The following RIMBP2 variants were observed in gnomAD, a reference collection of about 807,000 sequenced individuals.
The protein encoded by RIMBP2 is RIMS-binding protein 2.
RIMBP2 carries 48 observed loss-of-function variants against 118.6 expected under a neutral mutation model. That is an observed-to-expected ratio of 0.40 (90% confidence interval 0.32 to 0.51). RIMBP2 has a LOEUF of 0.51. RIMBP2 is among the 20% of genes least tolerant of loss of function. The pLI, the probability that RIMBP2 is intolerant of heterozygous loss-of-function variation, is 0.41. For synonymous variants in RIMBP2, 762 were observed against 742.9 expected (o/e 1.03, Z -0.42); for missense variants, 1,551 against 1,768.3 (o/e 0.88, Z 2.20).
At chr12:130,618,303 A>T (rs2061081950) in intron 2 of RIMBP2, among the ~76,000 whole-genome samples, 1 of 152,204 alleles carries the variant, frequency 6.6e-6, no homozygotes, top group African/African-American at 2.4e-5. Context: ...TCCAGAGAAC[A>T]TCAGATTAGA....
At position 130,424,110 on chromosome 12, in the gene RIMBP2, G is replaced by A; in HGVS notation, c.3129+32C>T. ...AGGATGGGACAGATTGGTTTGGCAA[G>A]CGGCTGTGAAAAGGAAGTTTAGGTC... On this transcript the variant is annotated intron_variant, in intron 16 of 22. Coordinates refer to ENST00000690449, the MANE Select transcript of RIMBP2 (RefSeq NM_001393629.1). This position sits in a 1 kb window ranked among gnomAD's most constrained non-coding sequence, Gnocchi z 9.8. 3 of 1,147,760 alleles carry A rather than the reference G, an allele frequency of 2.6e-6. No homozygotes were observed. The highest frequency in any genetic ancestry group is 3.3e-6 in the Non-Finnish European group (3 of 910,978). 71.1% of individuals were successfully genotyped at this position (1,147,760 alleles called of 1,614,324 possible).
chr12:130,656,051 G>A (rs2063414366), intron 1 of RIMBP2, among the ~76,000 whole-genome samples: 1 of 152,242 alleles, frequency 6.6e-6, no homozygotes, highest in African/African-American at 2.4e-5. Flanking sequence ...CGGCCTGCAG[G>A]CTTGGGGCTG....
At chr12:130,560,087 A>G (rs1337723297) in intron 2 of RIMBP2, among the ~76,000 whole-genome samples, 1 of 152,210 alleles carries the variant, frequency 6.6e-6, no homozygotes, top group African/African-American at 2.4e-5. Flanking sequence ...GCCAAAGTCC[A>G]GGGTTTGTTT....
At chr12:130,526,931 G>A (rs985190782) in intron 2 of RIMBP2, among the ~76,000 whole-genome samples, 2 of 152,160 alleles carry the variant, frequency 1.3e-5, no homozygotes, top group Non-Finnish European at 2.9e-5. Context: ...AAGAAAAGCC[G>A]CTGGTGGGAA....
intron 1 of RIMBP2, among the ~76,000 whole-genome samples, chr12:130,715,648 C>T (rs538595850): frequency 4.9e-4 from 74 of 152,344 alleles, no homozygotes; most frequent in Non-Finnish European, 9.6e-4. Flanking sequence ...TTATTCAAGT[C>T]AGTCCATGGG....
chr12:130,514,036 A>C (rs545614555), intron 3 of RIMBP2, among the ~76,000 whole-genome samples: 4 of 152,254 alleles, frequency 2.6e-5, no homozygotes, highest in Admixed American at 2.0e-4. Flanking sequence ...GCTACCACAA[A>C]GATGCTCAGC....
chr12:130,631,005 C>T lies in RIMBP2; in HGVS notation c.-351-2549G>A, dbSNP rs2061963295. ...CCACGGGATCCAGGAAACAACAAAT[C>T]CTACCCTAAACAGGGATAGAGAAGA... On this transcript the variant is annotated intron_variant, in intron 1 of 22. Coordinates refer to ENST00000690449, the MANE Select transcript of RIMBP2 (RefSeq NM_001393629.1). Among the ~76,000 whole-genome samples the T allele has an allele frequency of 1.3e-5, 2 of 151,198 alleles. 1 individual carries two copies. Among genetic ancestry groups the T allele is most frequent in the South Asian group, 4.2e-4 (2 of 4,810 alleles).
intron 2 of RIMBP2, among the ~76,000 whole-genome samples, chr12:130,533,131 G>A (rs527441813): frequency 7.3e-5 from 11 of 150,586 alleles, no homozygotes; most frequent in Non-Finnish European, 1.6e-4. Context: ...TAGGAGGGAC[G>A]TCTAATGAGA....
intron 2 of RIMBP2, among the ~76,000 whole-genome samples, chr12:130,595,687 G>A (rs368397869): frequency 6.6e-5 from 10 of 152,172 alleles, no homozygotes; most frequent in East Asian, 1.9e-4. Flanking sequence ...AACAATGCGC[G>A]TGCACTCACA....
At chr12:130,538,187 T>C (rs2054243213) in intron 2 of RIMBP2, among the ~76,000 whole-genome samples, 1 of 152,074 alleles carries the variant, frequency 6.6e-6, no homozygotes, top group South Asian at 2.1e-4. Flanking sequence ...AATAGTGTCA[T>C]TAGGACATTT....
chr12:130,575,506 T>G (rs978679939), intron 2 of RIMBP2, among the ~76,000 whole-genome samples: 12 of 152,142 alleles, frequency 7.9e-5, no homozygotes, highest in Non-Finnish European at 1.5e-4. Flanking sequence ...TCTTTCTACT[T>G]TCACCAACGT....
intron 1 of RIMBP2, among the ~76,000 whole-genome samples, chr12:130,636,077 G>A (rs560549069): frequency 1.4e-4 from 21 of 152,196 alleles, no homozygotes; most frequent in South Asian, 1.0e-3. Flanking sequence ...CCATTTCCAC[G>A]CTTTATGATG....
intron 2 of RIMBP2, among the ~76,000 whole-genome samples, chr12:130,537,505 T>C (rs1383132568): frequency 6.6e-6 from 1 of 152,196 alleles, no homozygotes; most frequent in African/African-American, 2.4e-5. Context: ...GCAAACGACT[T>C]AACCTCTTTG....
chr12:130,708,918 A>C (rs924043805), intron 1 of RIMBP2, among the ~76,000 whole-genome samples: 1 of 152,132 alleles, frequency 6.6e-6, no homozygotes, highest in African/African-American at 2.4e-5. Context: ...CCCGGGTTTG[A>C]AACTGGGCCC....
At chr12:130,404,839 T>C (rs946892122) in intron 21 of RIMBP2, among the ~76,000 whole-genome samples, 24 of 152,162 alleles carry the variant, frequency 1.6e-4, no homozygotes, top group African/African-American at 5.6e-4. Context: ...ATTATAAAAA[T>C]ACAATAATTA....
chr12:130,458,568 C>T (rs539000041), intron 6 of RIMBP2, among the ~76,000 whole-genome samples: 10 of 152,180 alleles, frequency 6.6e-5, no homozygotes, highest in Admixed American at 2.0e-4. Context: ...GGCCGGACCC[C>T]GGAAGGCCCT....
intron 2 of RIMBP2, among the ~76,000 whole-genome samples, chr12:130,607,439 C>T (rs1030763848): frequency 6.6e-6 from 1 of 152,108 alleles, no homozygotes; most frequent in Non-Finnish European, 1.5e-5. Context: ...ATTTGCCACA[C>T]AGTGCCCCGG....
chr12:130,428,544 G>C, intron 14 of RIMBP2: 1 of 474,994 alleles, frequency 2.1e-6, no homozygotes, highest in Non-Finnish European at 3.7e-6. Flanking sequence ...GGCACAGATG[G>C]GATCAGCGCA....
At chr12:130,444,035 C>T (rs2078335564) in intron 10 of RIMBP2, among the ~76,000 whole-genome samples, 1 of 152,216 alleles carries the variant, frequency 6.6e-6, no homozygotes, top group South Asian at 2.1e-4. Flanking sequence ...GTTTTGATCC[C>T]TGCCTGCAAA....
Sources: gnomAD v4.1 joint callset for allele counts (sites outside exome capture counted in the v4.1 genomes callset) on GRCh38, gnomAD v4.1.1 for gene constraint, Gnocchi (gnomAD v3.1) non-coding constraint, MANE v1.5 for transcripts, NCBI Gene and HGNC (gene_info 2026-07-23, HGNC 2026-07-21) for gene names.